BIVM: variants seen among roughly 807,000 people sequenced by gnomAD.
BIVM encodes the protein basic, immunoglobulin-like variable motif containing.
Under a neutral mutation model 61.4 loss-of-function variants are expected in BIVM, and 31 were observed. That is an observed-to-expected ratio of 0.51 (90% CI 0.38 to 0.68). The LOEUF (loss-of-function observed/expected upper bound fraction) is 0.68. Among genes scored for constraint, BIVM ranks in the 30% least tolerant of loss-of-function variants. The probability of loss-of-function intolerance (pLI) is 0.00; values close to 1 mark genes in which losing one functional copy is unlikely to be tolerated. For synonymous variants in BIVM, 189 were observed against 210.7 expected (o/e 0.90, Z 0.89); for missense variants, 526 against 596.0 (o/e 0.88, Z 1.22).
chr13:102,805,041 A>T (rs1220928943), intron 1 of BIVM, among the ~76,000 whole-genome samples: 2 of 152,128 alleles, frequency 1.3e-5, no homozygotes, highest in Non-Finnish European at 2.9e-5. Context: ...AGTTATTTTT[A>T]TTTCTAATTT....
At chr13:102,834,126 C>A (rs969967514) in intron 8 of BIVM, among the ~76,000 whole-genome samples, 2 of 152,024 alleles carry the variant, frequency 1.3e-5, no homozygotes, top group African/African-American at 2.4e-5. Context: ...TTTTAGGATG[C>A]GTTTTGAGAT....
At chr13:102,802,411 G>A (rs1878803691) in intron 1 of BIVM, among the ~76,000 whole-genome samples, 1 of 152,202 alleles carries the variant, frequency 6.6e-6, no homozygotes, top group South Asian at 2.1e-4. Flanking sequence ...TGGAAAGAAA[G>A]TAAACACTAG....
rs1375341482 is a variant in BIVM at position 102,839,662 on chromosome 13, C to A, written c.1309C>A (p.Gln437Lys). The A allele has an allele frequency of 2.5e-6, 4 of 1,614,130 alleles. No individual in the cohort carries two copies. Among genetic ancestry groups the A allele is most frequent in the Non-Finnish European group, 3.4e-6 (4 of 1,180,022 alleles). The change falls in exon 11 of 11, where the codon CAA becomes AAA. Residue 437 changes from glutamine (Q) to lysine (K), a missense_variant. This residue lies in a region of BIVM where 210 missense variants were observed against 233.1 expected (regional missense o/e 0.90). Coordinates refer to ENST00000257336, the MANE Select transcript of BIVM (RefSeq NM_017693.4). ...LWNFPFGTIR[Q>K]ESQPPTHAQG... ...GAACTTTCCATTTGGAACCATTAGA[C>A]AAGAATCACAACCTCCAACACATGC...
intron 7 of BIVM, 23 bp from the exon 8 acceptor site, chr13:102,831,540 TTG>T (rs763387489): frequency 6.2e-7 from 1 of 1,613,754 alleles, no homozygotes; most frequent in South Asian, 1.1e-5. Context: ...GGCTTTCAGT[TTG>T]TGTGTTTGTT....
At chr13:102,826,291 C>A (rs1023398940) in intron 7 of BIVM, among the ~76,000 whole-genome samples, 2 of 152,192 alleles carry the variant, frequency 1.3e-5, no homozygotes, top group African/African-American at 2.4e-5. Flanking sequence ...TGTGCTAGAT[C>A]TGCCCTGCTT....
At position 102,822,069 on chromosome 13, in the gene BIVM, T is replaced by C. The variant is rs746533294; in HGVS notation, c.811T>C (p.Phe271Leu). ...FTGNTTLMRW[F>L]RQINDHFHVK... Reference sequence around the variant, plus strand: ...AAATCTTCTTGTTACTTTCAGGTGGTTTAGACAAATTAATGACCACTTCCA... The same window carrying C: ...AAATCTTCTTGTTACTTTCAGGTGGCTTAGACAAATTAATGACCACTTCCA... The change falls in exon 7 of 11, where the codon TTT becomes CTT. Residue 271 changes from phenylalanine (F) to leucine (L), a missense_variant. Physicochemically the swap from Phe to Leu is conservative, Grantham distance 22 (BLOSUM62 0). Coordinates refer to ENST00000257336, the MANE Select transcript of BIVM (RefSeq NM_017693.4). 1.2e-6 allele frequency: 2 copies of C among 1,613,820 alleles called. No homozygotes were observed. The highest frequency in any genetic ancestry group is 1.7e-6 in the Non-Finnish European group (2 of 1,179,950).
chr13:102,808,142 T>G (rs1287822331), intron 3 of BIVM, among the ~76,000 whole-genome samples: 1 of 152,224 alleles, frequency 6.6e-6, no homozygotes, highest in African/African-American at 2.4e-5. Context: ...ATATAATGTT[T>G]TAGCTTTTTT....
At chr13:102,808,848 T>C (rs1879286347) in intron 3 of BIVM, among the ~76,000 whole-genome samples, 1 of 152,206 alleles carries the variant, frequency 6.6e-6, no homozygotes, top group South Asian at 2.1e-4. Context: ...AAGTTAATGT[T>C]ATCCCTCTAA....
At chr13:102,822,043 C>A (rs370072766) in intron 6 of BIVM, 22 bp from the exon 7 acceptor site, 4 of 1,609,944 alleles carry the variant, frequency 2.5e-6, no homozygotes, top group Non-Finnish European at 3.4e-6. Flanking sequence ...TTGCCATGAA[C>A]AAATCTTCTT....
chr13:102,837,113 A>C (rs1435313473), intron 9 of BIVM, among the ~76,000 whole-genome samples: 1 of 152,050 alleles, frequency 6.6e-6, no homozygotes, highest in Non-Finnish European at 1.5e-5. Flanking sequence ...CCCCATCTCT[A>C]CTAAAACGAC....
Position 102,807,714 on chromosome 13 carries a change from T to C in BIVM, c.447T>C (p.Asp149=). The C allele has an allele frequency of 6.2e-7, 1 of 1,612,932 alleles. No individual in the cohort carries two copies. The highest frequency in any genetic ancestry group is 8.5e-7 in the Non-Finnish European group (1 of 1,179,428). ...GGGAAATTGATAAATCTGAATTTGA[T>C]GGGGTGACCACAAATTCGAAACACA... is the stretch of plus-strand genomic sequence containing the variant. ...LAWEIDKSEF[D]GVTTNSKHKS... Residue 149 remains aspartate, a synonymous_variant, in exon 3 of 11, where the codon GAT becomes GAC. Coordinates refer to ENST00000257336, the MANE Select transcript of BIVM (RefSeq NM_017693.4). This position sits in a 1 kb window ranked among gnomAD's most constrained non-coding sequence, Gnocchi z 4.0.
chr13:102,829,748 A>G (rs1880932743), intron 7 of BIVM, among the ~76,000 whole-genome samples: 1 of 152,140 alleles, frequency 6.6e-6, no homozygotes, highest in South Asian at 2.1e-4. Context: ...CTGAGGCATG[A>G]GGATTGTTTG....
In BIVM at chr13:102,810,430, A is replaced by T. The variant is rs539994707; in HGVS notation, c.478+2685A>T. On this transcript the variant is annotated intron_variant, in intron 3 of 10. Transcript: ENST00000257336. ...CCCACGTATACAAAAACATATTTTT[A>T]AAAAAATGCATTCTGCCAGTCTCTA... Among the ~76,000 whole-genome samples, 24 of 152,320 alleles carry T rather than the reference A, an allele frequency of 1.6e-4. No homozygotes were observed. In the South Asian group the frequency reaches 4.1e-3, roughly 26 times the overall value.
In BIVM at chr13:102,807,671, G is replaced by A. The variant is rs1210891259; in HGVS notation, c.404G>A (p.Gly135Asp). 1 of 1,613,978 alleles carries A rather than the reference G, an allele frequency of 6.2e-7. No homozygotes were observed. Among genetic ancestry groups the A allele is most frequent in the Non-Finnish European group, 8.5e-7 (1 of 1,180,042 alleles). Residue 135 changes from glycine (G) to aspartate (D), a missense_variant, in exon 3 of 11, where the codon GGC becomes GAC. Coordinates refer to ENST00000257336, the MANE Select transcript of BIVM (RefSeq NM_017693.4). The surrounding 1 kb of genome is among the most constrained non-coding windows in gnomAD (Gnocchi z 4.0). ...NSLENLSNSL[G>D]KLPLAWEIDK... ...TTGGAAAACTTATCCAACAGCCTGG[G>A]CAAGCTACCTCTCGCATGGGAAATT...
intron 9 of BIVM, among the ~76,000 whole-genome samples, chr13:102,837,956 T>C (rs1385628934): frequency 6.6e-6 from 1 of 152,168 alleles, no homozygotes; most frequent in Non-Finnish European, 1.5e-5. Context: ...CAGTGTACAC[T>C]GCTTGGATGA....
intron 3 of BIVM, among the ~76,000 whole-genome samples, chr13:102,814,142 G>C (rs1174253289): frequency 1.3e-5 from 2 of 152,092 alleles, no homozygotes; most frequent in Non-Finnish European, 2.9e-5. Context: ...TGTGTGTGCT[G>C]TGGGTAGGGT....
intron 1 of BIVM, among the ~76,000 whole-genome samples, chr13:102,802,023 G>A (rs1023953763): frequency 6.6e-6 from 1 of 152,226 alleles, no homozygotes; most frequent in African/African-American, 2.4e-5. Context: ...ACCATCAGGA[G>A]TTGGCCTTTT....
At chr13:102,833,296 AG>A (rs1397803222) in intron 8 of BIVM, among the ~76,000 whole-genome samples, 3 of 132,884 alleles carry the variant, frequency 2.3e-5, no homozygotes, top group Admixed American at 7.8e-5. Context: ...CTTTGAGCAA[AG>A]GGATTGGCTT....
At position 102,826,681 on chromosome 13, in the gene BIVM, G is replaced by T. The variant is rs568943027; in HGVS notation, c.901+4522G>T. Among the ~76,000 whole-genome samples, 13 of 152,326 alleles carry T rather than the reference G, an allele frequency of 8.5e-5. No homozygotes were observed. The South Asian group carries it at 2.7e-3, about 32-fold the overall frequency. On this transcript the variant is annotated intron_variant, in intron 7 of 10. Coordinates refer to ENST00000257336, the MANE Select transcript of BIVM (RefSeq NM_017693.4). ...CTGCATTATGAGTAAGGCCCTGGGA[G>T]ACACCAGAACAAGTCTCATAATTCC...
Sources: gnomAD v4.1 joint callset for allele counts (sites outside exome capture counted in the v4.1 genomes callset) on GRCh38, gnomAD v4.1.1 for gene constraint, gnomAD v4.1.1 regional missense constraint, Gnocchi (gnomAD v3.1) non-coding constraint, MANE v1.5 for transcripts, NCBI Gene and HGNC (gene_info 2026-07-23, HGNC 2026-07-21) for gene names.